The following SLC4A10 variants were observed in gnomAD, a reference collection of about 807,000 sequenced individuals.
SLC4A10 encodes solute carrier family 4 member 10.
In SLC4A10, 42 loss-of-function variants were observed where a neutral mutation model predicts 137.7. That is an observed-to-expected ratio of 0.30 (90% CI 0.24 to 0.39). The LOEUF (loss-of-function observed/expected upper bound fraction) is 0.39. Ranked by LOEUF, SLC4A10 falls within the 10% of genes least tolerant of loss-of-function variation. SLC4A10 has a pLI of 1.00. For synonymous variants in SLC4A10, 474 were observed against 464.1 expected, an observed-to-expected ratio of 1.02 and a Z score of -0.27; for missense variants, 925 against 1,355.0, an observed-to-expected ratio of 0.68 and a Z score of 4.98.
intron 2 of SLC4A10, among the ~76,000 whole-genome samples, chr2:161,773,989 C>T (rs1029585943): frequency 4.6e-5 from 7 of 151,716 alleles, no homozygotes; most frequent in Non-Finnish European, 1.0e-4. Context: ...ACTGCCACTG[C>T]TCTACTTCCC....
chr2:161,720,532 C>G (rs2045535754), intron 1 of SLC4A10, among the ~76,000 whole-genome samples: 1 of 152,070 alleles, frequency 6.6e-6, no homozygotes, highest in Non-Finnish European at 1.5e-5. Context: ...CATAGGTCTC[C>G]AAGAATGTGT....
chr2:161,950,610 T>G, intron 18 of SLC4A10, 77 bp from the exon 19 acceptor site: 1 of 1,371,102 alleles, frequency 7.3e-7, no homozygotes, highest in Non-Finnish European at 1.0e-6. Context: ...GCTTTCCTAG[T>G]AGCATCTGTA....
chr2:161,655,442 C>A (rs2037379537), intron 1 of SLC4A10, among the ~76,000 whole-genome samples: 1 of 152,136 alleles, frequency 6.6e-6, no homozygotes, highest in Non-Finnish European at 1.5e-5. Flanking sequence ...TTTCCCTGAT[C>A]TTTGACGAAA....
At chr2:161,905,008 C>A in intron 14 of SLC4A10, 99 bp downstream of exon 14, 2 of 1,187,150 alleles carry the variant, frequency 1.7e-6, no homozygotes, top group South Asian at 2.0e-5. Flanking sequence ...TTGATAGAGA[C>A]AGAATTGCCT....
rs150934834 is a variant in SLC4A10 at position 161,944,226 on chromosome 2, T to A, written c.2103+1329T>A. On this transcript the variant is annotated intron_variant, in intron 16 of 26. Coordinates refer to ENST00000446997, the MANE Select transcript of SLC4A10 (RefSeq NM_001178015.2). ...ACTATAGTTATTCAGAATTTAGACA[T>A]GGGGTCATGATTAATGAAATCATTA... 2.0e-5 allele frequency among the ~76,000 whole-genome samples: 3 copies of A among 151,888 alleles called. No homozygotes were observed. In the East Asian group the frequency reaches 5.8e-4, roughly 29 times the overall value.
At chr2:161,773,203 A>C (rs1039483126) in intron 2 of SLC4A10, among the ~76,000 whole-genome samples, 6 of 151,856 alleles carry the variant, frequency 4.0e-5, no homozygotes. Flanking sequence ...GGAGGATGGA[A>C]GGATGAGAGC....
At chr2:161,708,948 A>G (rs2043982988) in intron 1 of SLC4A10, 2 of 1,183,964 alleles carry the variant, frequency 1.7e-6, no homozygotes, top group African/African-American at 3.1e-5. Flanking sequence ...TTTCCTTAGG[A>G]TATTTGAACA....
intron 3 of SLC4A10, among the ~76,000 whole-genome samples, chr2:161,827,825 A>G (rs1030169919): frequency 6.6e-6 from 1 of 152,174 alleles, no homozygotes; most frequent in Admixed American, 6.5e-5. Flanking sequence ...TCGGCCTCCC[A>G]AAGTGCTGGG....
chr2:161,639,434 TG>T lies in SLC4A10; in HGVS notation c.48+14871del, dbSNP rs560306759. On this transcript the variant is annotated intron_variant, in intron 1 of 26. Coordinates refer to ENST00000446997, the MANE Select transcript of SLC4A10 (RefSeq NM_001178015.2). The stretch of plus-strand genomic sequence containing the variant: ...AGAAAGATCATTCCCTACAATCAAG[TG>T]GGATTTATTTCAGGGATGCAAGGAT... Among the ~76,000 whole-genome samples the T allele has an allele frequency of 9.9e-5, 15 of 152,220 alleles. No individual in the cohort carries two copies. In the East Asian group the frequency reaches 2.9e-3, roughly 29 times the overall value.
rs1199527135 is a variant in SLC4A10, at chr2:161,984,645, C to A, written c.*1493C>A. ...CTCCATTAAGTTCTACATTTTGAGA[C>A]CTTTTAAAAATTCCCCTCACAATTC... On this transcript the variant is annotated 3_prime_UTR_variant, in exon 27 of 27. Transcript: ENST00000446997. 1 of 152,002 alleles carries A rather than the reference C, an allele frequency of 6.6e-6. No homozygotes were observed. The highest frequency in any genetic ancestry group is 1.5e-5 in the Non-Finnish European group (1 of 67,942). 9.4% of individuals were successfully genotyped at this position (152,002 alleles called of 1,614,324 possible). A position where few individuals can be genotyped will look rare whatever the true frequency, so the allele number is the denominator to read the frequency against.
At chr2:161,915,238 A>T (rs1181195948) in intron 15 of SLC4A10, among the ~76,000 whole-genome samples, 1 of 152,062 alleles carries the variant, frequency 6.6e-6, no homozygotes, top group East Asian at 1.9e-4. Context: ...AGGGGAGAGC[A>T]ACCTGCCCTT....
At chr2:161,668,839 T>C (rs2105770302) in intron 1 of SLC4A10, among the ~76,000 whole-genome samples, 1 of 152,034 alleles carries the variant, frequency 6.6e-6, no homozygotes, top group East Asian at 1.9e-4. Flanking sequence ...CCTGGTTCTG[T>C]ACATTTAGTT....
chr2:161,708,152 A>G (rs888182267), intron 1 of SLC4A10, among the ~76,000 whole-genome samples: 1 of 151,558 alleles, frequency 6.6e-6, no homozygotes, highest in Non-Finnish European at 1.5e-5. Context: ...TATTTATACA[A>G]CTATCAAAGA....
chr2:161,887,503 T>A (rs983219272), intron 10 of SLC4A10, among the ~76,000 whole-genome samples: 1 of 152,216 alleles, frequency 6.6e-6, no homozygotes, highest in Non-Finnish European at 1.5e-5. Flanking sequence ...ATTGCCGTTG[T>A]CACTGGCATG....
chr2:161,767,433 T>C (rs1280846340), intron 1 of SLC4A10, among the ~76,000 whole-genome samples: 1 of 151,428 alleles, frequency 6.6e-6, no homozygotes, highest in Non-Finnish European at 1.5e-5. Flanking sequence ...ACCTCACACC[T>C]CATTTACCAG....
intron 1 of SLC4A10, among the ~76,000 whole-genome samples, chr2:161,715,037 AGTAT>A (rs777017322): frequency 3.3e-5 from 5 of 151,966 alleles, no homozygotes; most frequent in African/African-American, 7.2e-5. Flanking sequence ...ACACAATTTT[AGTAT>A]GTATGTATGT....
At chr2:161,829,562 T>C (rs1229311130) in intron 3 of SLC4A10, among the ~76,000 whole-genome samples, 1 of 152,210 alleles carries the variant, frequency 6.6e-6, no homozygotes, top group African/African-American at 2.4e-5. Context: ...TAATTGAACT[T>C]ACAATTCATC....
chr2:161,791,486 G>C (rs2054203508), intron 2 of SLC4A10, among the ~76,000 whole-genome samples: 1 of 152,116 alleles, frequency 6.6e-6, no homozygotes. Flanking sequence ...GGTGGGAGGA[G>C]GGAGCACATC....
chr2:161,837,977 G>A (rs1575209034), intron 3 of SLC4A10, among the ~76,000 whole-genome samples: 1 of 152,260 alleles, frequency 6.6e-6, no homozygotes, highest in East Asian at 1.9e-4. Context: ...TCCTTCACTA[G>A]AACCTAACCA....
Sources: gnomAD v4.1 joint callset for allele counts (sites outside exome capture counted in the v4.1 genomes callset) on GRCh38, gnomAD v4.1.1 for gene constraint, MANE v1.5 for transcripts, NCBI Gene and HGNC (gene_info 2026-07-23, HGNC 2026-07-21) for gene names.